Variants in POC1B observed in about 807,000 individuals in gnomAD.
POC1B encodes the protein POC1 centriolar protein homolog B.
Under a neutral mutation model 60.6 loss-of-function variants are expected in POC1B, and 44 were observed. That is an observed-to-expected ratio of 0.73 (90% CI 0.57 to 0.93). The LOEUF is 0.93. Ranked by LOEUF, POC1B falls within the 40% of genes least tolerant of loss-of-function variation. The pLI is 0.00. For missense variants in POC1B, 555 were observed against 572.3 expected (o/e 0.97, Z 0.31); for synonymous variants, 180 against 198.9 (o/e 0.90, Z 0.80).
chr12:89,456,484 A>G (rs1417758611), intron 10 of POC1B, among the ~76,000 whole-genome samples: 1 of 152,212 alleles, frequency 6.6e-6, no homozygotes, highest in Non-Finnish European at 1.5e-5. Flanking sequence ...AGTTCTAACT[A>G]CAACATGAAA....
At chr12:89,501,733 T>TG in intron 2 of POC1B, 1 of 924,630 alleles carries the variant, frequency 1.1e-6, no homozygotes, top group South Asian at 1.3e-5. Flanking sequence ...TTATAGCAAT[T>TG]CTTCAATAAG....
intron 4 of POC1B, among the ~76,000 whole-genome samples, chr12:89,481,700 C>T (rs920207503): frequency 6.6e-6 from 1 of 152,214 alleles, no homozygotes; most frequent in African/African-American, 2.4e-5. Context: ...AAATACAAAG[C>T]TGCCCGTGCA....
chr12:89,422,144 C>G (rs1204604097), intron 11 of POC1B, among the ~76,000 whole-genome samples: 1 of 152,042 alleles, frequency 6.6e-6, no homozygotes, highest in Non-Finnish European at 1.5e-5. Flanking sequence ...AATACATCCT[C>G]AAAACCATCA....
downstream of POC1B, among the ~76,000 whole-genome samples, chr12:89,417,788 T>C (rs1235479516): frequency 6.6e-6 from 1 of 152,186 alleles, no homozygotes; most frequent in Non-Finnish European, 1.5e-5. Context: ...TTGGTGTTTT[T>C]CCCCTATCAC....
the POC1B span, among the ~76,000 whole-genome samples, chr12:89,406,607 ATAAG>A: frequency 6.6e-6 from 1 of 152,046 alleles, no homozygotes; most frequent in African/African-American, 2.4e-5. Flanking sequence ...CTCAAAATAA[ATAAG>A]TATGTTTTCT....
chr12:89,489,180 AC>A (rs1868809399), intron 4 of POC1B, among the ~76,000 whole-genome samples: 1 of 152,230 alleles, frequency 6.6e-6, no homozygotes, highest in African/African-American at 2.4e-5. Flanking sequence ...AGAATTATAT[AC>A]TGACTACTAT....
intron 2 of POC1B, among the ~76,000 whole-genome samples, chr12:89,511,559 G>A (rs749372161): frequency 6.6e-6 from 1 of 151,964 alleles, no homozygotes; most frequent in Non-Finnish European, 1.5e-5. Context: ...AATAAACTCA[G>A]CTTTCTAGTT....
intron 11 of POC1B, among the ~76,000 whole-genome samples, 165 bp downstream of exon 11, chr12:89,424,996 G>A (rs2120650139): frequency 6.6e-6 from 1 of 152,266 alleles, no homozygotes; most frequent in Middle Eastern, 3.4e-3. Context: ...CATAGGCTCT[G>A]AGCTTATCTC....
chr12:89,496,744 T>C (rs761332475), intron 3 of POC1B, among the ~76,000 whole-genome samples: 2 of 152,100 alleles, frequency 1.3e-5, no homozygotes, highest in Non-Finnish European at 1.5e-5. Flanking sequence ...CGATAATGAG[T>C]GATACAAATC....
At chr12:89,434,536 T>C (rs1266555584) in intron 10 of POC1B, among the ~76,000 whole-genome samples, 1 of 152,196 alleles carries the variant, frequency 6.6e-6, no homozygotes, top group Non-Finnish European at 1.5e-5. Flanking sequence ...ACACAAACCA[T>C]TAATTCCTCA....
At chr12:89,524,572 C>A in intron 2 of POC1B, 1 of 1,609,186 alleles carries the variant, frequency 6.2e-7, no homozygotes, top group Non-Finnish European at 8.5e-7. Flanking sequence ...GGCTGAGGCG[C>A]AGACGCGGCC....
rs1869308242 is a variant in POC1B, at chr12:89,497,344, T to C, written c.101-2A>G. On this transcript the variant is annotated splice_acceptor_variant, in intron 2 of 11. Coordinates refer to ENST00000313546, the MANE Select transcript of POC1B (RefSeq NM_172240.3). LOFTEE classifies it high-confidence loss of function. ...GAAAGGTATCCCAAGAAGCAGTAGC[T>C]ATCAAGAAATAGAAGAACAAAACCA... 6.2e-7 allele frequency: 1 copy of C among 1,609,362 alleles called. No individual in the cohort carries two copies. The highest frequency in any genetic ancestry group is 1.3e-5 in the African/African-American group (1 of 74,722).
At chr12:89,451,960 C>T (rs1037646727) in intron 10 of POC1B, among the ~76,000 whole-genome samples, 1 of 152,192 alleles carries the variant, frequency 6.6e-6, no homozygotes, top group Non-Finnish European at 1.5e-5. Flanking sequence ...GCAGGAAGCT[C>T]ATTATGGGCT....
rs73432817 is a variant in POC1B, at chr12:89,429,625, C to T, written c.1114-4246G>A. On this transcript the variant is annotated intron_variant, in intron 10 of 11. Transcript: ENST00000313546. ...ATACTATCATACAATGATAAATGTA[C>T]GTATGGTATGATGCCCGCTCTCAAG... Among the ~76,000 whole-genome samples the T allele has an allele frequency of 5.5e-3, 844 of 152,204 alleles. 16 individuals are homozygous for T. The highest frequency in any genetic ancestry group is 0.019 in the African/African-American group (799 of 41,508).
At chr12:89,507,031 G>A (rs1038470791) in intron 2 of POC1B, among the ~76,000 whole-genome samples, 1 of 151,798 alleles carries the variant, frequency 6.6e-6, no homozygotes, top group African/African-American at 2.4e-5. Flanking sequence ...AACATATTAC[G>A]ACCCCCAAGG....
intron 8 of POC1B, 74 bp from the exon 9 acceptor site, chr12:89,466,996 C>T (rs1882711483): frequency 1.6e-6 from 2 of 1,285,944 alleles, no homozygotes; most frequent in African/African-American, 1.5e-5. Flanking sequence ...TTAAAACCCA[C>T]AATATACAGA....
In POC1B at chr12:89,524,613, G is replaced by A; in HGVS notation, c.100+507C>T. ...GCCACCACGCAGGGGAAGGGCGGCGGAACCCACAGCTCGAGCTCAGGTACT... is the reference window on the plus strand; with the variant it reads ...GCCACCACGCAGGGGAAGGGCGGCGAAACCCACAGCTCGAGCTCAGGTACT... On this transcript the variant is annotated intron_variant, in intron 2 of 11. Transcript: ENST00000313546. The A allele has an allele frequency of 1.9e-6, 3 of 1,546,152 alleles. No individual in the cohort carries two copies. In the Admixed American group the frequency reaches 5.3e-5, roughly 27 times the overall value.
At chr12:89,401,828 A>C in the POC1B span, among the ~76,000 whole-genome samples, 1 of 152,256 alleles carries the variant, frequency 6.6e-6, no homozygotes, top group Non-Finnish European at 1.5e-5. Context: ...GCAACTTTGC[A>C]TGGGTCAGCC....
At chr12:89,460,871 T>C (rs368065880) in intron 9 of POC1B, 151 of 152,276 alleles carry the variant, frequency 9.9e-4, no homozygotes, top group African/African-American at 3.5e-3. Flanking sequence ...AGGGAGGCTA[T>C]TTCAGAATTT....
Sources: gnomAD v4.1 joint callset for allele counts (sites outside exome capture counted in the v4.1 genomes callset) on GRCh38, gnomAD v4.1.1 for gene constraint, MANE v1.5 for transcripts, NCBI Gene and HGNC (gene_info 2026-07-23, HGNC 2026-07-21) for gene names.